The following MACROD2 variants were observed in gnomAD, a reference collection of about 807,000 sequenced individuals.
The protein encoded by MACROD2 is ADP-ribose glycohydrolase MACROD2.
In MACROD2, 36 loss-of-function variants were observed where a neutral mutation model predicts 70.4. The ratio of observed to expected loss-of-function variants is 0.51; its 90% CI spans 0.39 to 0.68. The LOEUF is 0.68. MACROD2 is among the 30% of genes least tolerant of loss of function. The pLI, the probability that MACROD2 is intolerant of heterozygous loss-of-function variation, is 0.00. For missense variants in MACROD2, 496 were observed against 538.4 expected (o/e 0.92, Z 0.78); for synonymous variants, 172 against 178.8 (o/e 0.96, Z 0.30).
chr20:14,032,523 T>G (rs2053257860), intron 2 of MACROD2, among the ~76,000 whole-genome samples: 1 of 152,192 alleles, frequency 6.6e-6, no homozygotes, highest in Admixed American at 6.5e-5. Context: ...GCCTTGCTGT[T>G]ACTATTTGCA....
intron 12 of MACROD2, among the ~76,000 whole-genome samples, chr20:15,960,072 C>T (rs1390902847): frequency 1.3e-5 from 2 of 152,182 alleles, no homozygotes; most frequent in Non-Finnish European, 2.9e-5. Context: ...TCCATCAGTT[C>T]CTCTAGAGAC....
At chr20:14,674,751 A>C (rs1312536203) in intron 4 of MACROD2, among the ~76,000 whole-genome samples, 1 of 152,190 alleles carries the variant, frequency 6.6e-6, no homozygotes. Context: ...AGCTTCATGC[A>C]GAATGCTTTG....
At position 14,397,665 on chromosome 20, in the gene MACROD2, T is replaced by C. The variant is rs2083594924; in HGVS notation, c.272-95814T>C. On this transcript the variant is annotated intron_variant, in intron 3 of 17. Coordinates refer to ENST00000684519, the MANE Select transcript of MACROD2 (RefSeq NM_001351661.2). ...ATTTATGGGACACAGAGTGATATTT[T>C]CATAGATGCATACAATGTGTAGTGA... is the stretch of plus-strand genomic sequence containing the variant. Among the ~76,000 whole-genome samples the C allele has an allele frequency of 7.9e-5, 12 of 152,308 alleles. No homozygotes were observed. In the South Asian group the frequency reaches 2.5e-3, roughly 32 times the overall value.
chr20:14,430,697 AGT>A (rs1337485783), intron 3 of MACROD2, among the ~76,000 whole-genome samples: 1 of 152,122 alleles, frequency 6.6e-6, no homozygotes, highest in Non-Finnish European at 1.5e-5. Context: ...TCAGGCCTAT[AGT>A]GTGTCCAGAT....
intron 3 of MACROD2, among the ~76,000 whole-genome samples, chr20:14,341,464 C>T (rs1464110977): frequency 3.3e-5 from 5 of 151,996 alleles, no homozygotes; most frequent in African/African-American, 1.2e-4. Flanking sequence ...GTGGTGAAAC[C>T]CCGTTTCTAG....
At chr20:15,900,490 C>G (rs2065047923) in intron 10 of MACROD2, among the ~76,000 whole-genome samples, 1 of 152,138 alleles carries the variant, frequency 6.6e-6, no homozygotes, top group Non-Finnish European at 1.5e-5. Flanking sequence ...TTCATTTGTA[C>G]TGGTGCTCCC....
At chr20:14,289,659 A>C (rs1355599561) in intron 3 of MACROD2, among the ~76,000 whole-genome samples, 1 of 152,162 alleles carries the variant, frequency 6.6e-6, no homozygotes, top group Admixed American at 6.5e-5. Flanking sequence ...CTCCCACCTC[A>C]GCCTCCCAGG....
chr20:14,851,588 T>G (rs2073199860), intron 5 of MACROD2, among the ~76,000 whole-genome samples: 1 of 152,134 alleles, frequency 6.6e-6, no homozygotes. Flanking sequence ...AATACTGTCT[T>G]AGGAGCTACA....
intron 8 of MACROD2, among the ~76,000 whole-genome samples, chr20:15,602,421 C>T (rs1295629532): frequency 4.6e-5 from 7 of 152,168 alleles, no homozygotes; most frequent in Admixed American, 2.0e-4. Flanking sequence ...CCTCCCTTCC[C>T]GTCTAAGGGT....
rs147910218 is a variant in MACROD2 at position 15,068,023 on chromosome 20, G to A, written c.419-161917G>A. ...ACACAGCTGCAAGAAGGTTAATTTC[G>A]TTCCTCTTTTTCTTCCTTAGCAATT... On this transcript the variant is annotated intron_variant, in intron 5 of 17. Transcript: ENST00000684519. 3.3e-5 allele frequency among the ~76,000 whole-genome samples: 5 copies of A among 152,046 alleles called. No homozygotes were observed. In the South Asian group the frequency reaches 6.2e-4, roughly 19 times the overall value.
intron 3 of MACROD2, among the ~76,000 whole-genome samples, chr20:14,168,562 AT>A (rs914818474): frequency 1.8e-4 from 27 of 152,256 alleles, no homozygotes; most frequent in African/African-American, 6.5e-4. Context: ...ATATTGATGC[AT>A]TATTATTATT....
chr20:15,935,567 C>T (rs1393691150), intron 11 of MACROD2, among the ~76,000 whole-genome samples: 1 of 152,144 alleles, frequency 6.6e-6, no homozygotes, highest in Non-Finnish European at 1.5e-5. Flanking sequence ...GCTCTGCAGG[C>T]CTCTTACACG....
At chr20:15,387,373 CCCTCTCTT>C (rs891486105) in intron 6 of MACROD2, among the ~76,000 whole-genome samples, 8 of 62,304 alleles carry the variant, frequency 1.3e-4, no homozygotes, top group East Asian at 1.7e-3. Flanking sequence ...TCCCTTTCTT[CCCTCTCTT>C]CCTACCTCTC....
intron 4 of MACROD2, among the ~76,000 whole-genome samples, chr20:14,497,278 A>G (rs1436780511): frequency 6.6e-6 from 1 of 151,728 alleles, no homozygotes; most frequent in East Asian, 1.9e-4. Context: ...TTTTTTGTGC[A>G]TTTGAGATTC....
intron 6 of MACROD2, among the ~76,000 whole-genome samples, chr20:15,266,596 T>TTTTC (rs1270662252): frequency 3.3e-5 from 5 of 152,328 alleles, no homozygotes. Context: ...TTGCTTCCAC[T>TTTTC]TTTCTTTCTC....
chr20:15,502,298 A>T (rs776354806), intron 8 of MACROD2, among the ~76,000 whole-genome samples: 2 of 152,180 alleles, frequency 1.3e-5, no homozygotes. Context: ...TTCCACACAG[A>T]GAGAACCATA....
chr20:14,345,268 A>G lies in MACROD2; in HGVS notation c.272-148211A>G, dbSNP rs191357664. ...ACAATTGTCACTCATTATTATTGTC[A>G]TTGTTATTATTATTTGTTCCTTACA... is the stretch of plus-strand genomic sequence containing the variant. On this transcript the variant is annotated intron_variant, in intron 3 of 17. Coordinates refer to ENST00000684519, the MANE Select transcript of MACROD2 (RefSeq NM_001351661.2). Among the ~76,000 whole-genome samples, 1,309 of 151,832 alleles carry G rather than the reference A, an allele frequency of 8.6e-3. 6 individuals carry two copies. Among genetic ancestry groups the G allele is most frequent in the Middle Eastern group, 0.02 (6 of 294 alleles).
intron 5 of MACROD2, among the ~76,000 whole-genome samples, chr20:15,080,132 AAATAAATAAAT>A (rs2075691846): frequency 7.2e-6 from 1 of 139,506 alleles, no homozygotes; most frequent in Non-Finnish European, 1.6e-5. Context: ...ATAAATAAAT[AAATAAATAAAT>A]AAATAAATAA....
chr20:15,176,994 A>G (rs1347508386), intron 5 of MACROD2, among the ~76,000 whole-genome samples: 1 of 152,152 alleles, frequency 6.6e-6, no homozygotes. Context: ...ACAGCCTTGA[A>G]TGGAGCTGGC....
Sources: gnomAD v4.1 joint callset for allele counts (sites outside exome capture counted in the v4.1 genomes callset) on GRCh38, gnomAD v4.1.1 for gene constraint, MANE v1.5 for transcripts, NCBI Gene and HGNC (gene_info 2026-07-23, HGNC 2026-07-21) for gene names.